NEK11: variants seen among roughly 807,000 people sequenced by gnomAD.
NEK11 encodes the protein NIMA related kinase 11, also known as serine/threonine-protein kinase Nek11.
NEK11 carries 72 observed loss-of-function variants against 80.7 expected under a neutral mutation model. The observed-to-expected ratio is 0.89, with a 90% CI of 0.74 to 1.08. The LOEUF (loss-of-function observed/expected upper bound fraction) is 1.08. Among genes scored for constraint, NEK11 ranks in the 50% least tolerant of loss-of-function variants. The pLI is 0.00. For synonymous variants in NEK11, 251 were observed against 260.7 expected (o/e 0.96, Z 0.36); for missense variants, 764 against 763.6 (o/e 1.00, Z -0.01).
In NEK11 at chr3:131,228,691, A is replaced by C. The variant is rs188769041; in HGVS notation, c.1560+3A>C. The C allele has an allele frequency of 6.2e-7, 1 of 1,611,878 alleles. No individual in the cohort carries two copies. The highest frequency in any genetic ancestry group is 2.2e-5 in the East Asian group (1 of 44,832). Reference sequence around the variant, plus strand: ...CTGCTTACAGAACAAACCAACAGGTATGTAATGCTCCCTGTCGGAAGCCAT... The same window carrying C: ...CTGCTTACAGAACAAACCAACAGGTCTGTAATGCTCCCTGTCGGAAGCCAT... On this transcript the variant is annotated splice_donor_region_variant and intron_variant, in intron 15 of 17. Coordinates refer to ENST00000383366, the MANE Select transcript of NEK11 (RefSeq NM_024800.5).
In NEK11 at chr3:131,060,168, C is replaced by T. The variant is rs78588284; in HGVS notation, c.171-20255C>T. On this transcript the variant is annotated intron_variant, in intron 3 of 17. Transcript: ENST00000383366. ...AGTTAAAGTGTCCCCTGTTAAAAGA[C>T]AGATGTATGACATAGTTCAGTAGCA... 7.9e-5 allele frequency among the ~76,000 whole-genome samples: 12 copies of T among 152,254 alleles called. No individual in the cohort carries two copies. The East Asian group carries it at 2.3e-3, about 29-fold the overall frequency.
At position 131,132,813 on chromosome 3, in the gene NEK11, A is replaced by G. The variant is rs746852834; in HGVS notation, c.520+4A>G. The G allele has an allele frequency of 1.5e-6, 2 of 1,361,258 alleles. No individual in the cohort carries two copies. The highest frequency in any genetic ancestry group is 2.1e-5 in the Admixed American group (1 of 46,684). 84.3% of individuals were successfully genotyped at this position (1,361,258 alleles called of 1,614,324 possible). A position where few individuals can be genotyped will look rare whatever the true frequency, so the allele number is the denominator to read the frequency against. On this transcript the variant is annotated splice_donor_region_variant and intron_variant, in intron 6 of 17. Coordinates refer to ENST00000383366, the MANE Select transcript of NEK11 (RefSeq NM_024800.5). ...AAAAATAATCTCCTTAAAATTGGTA[A>G]GATTTTAAAAAGTATGAATTCCAAA... is the stretch of plus-strand genomic sequence containing the variant.
chr3:131,296,600 T>C (rs1297086440), intron 17 of NEK11, among the ~76,000 whole-genome samples: 1 of 152,186 alleles, frequency 6.6e-6, no homozygotes, highest in Non-Finnish European at 1.5e-5. Flanking sequence ...GGTGGGATTT[T>C]CTTTTATAAC....
chr3:131,250,252 AAAG>A (rs1198220812), intron 16 of NEK11, among the ~76,000 whole-genome samples: 4 of 152,020 alleles, frequency 2.6e-5, no homozygotes, highest in African/African-American at 9.7e-5. Flanking sequence ...TTCCAGGAAA[AAAG>A]AACAGAAAAT....
intron 17 of NEK11, among the ~76,000 whole-genome samples, chr3:131,298,253 G>A (rs1464587298): frequency 6.6e-6 from 1 of 151,920 alleles, no homozygotes; most frequent in East Asian, 1.9e-4. Flanking sequence ...AATTACCTTG[G>A]GCAGTATGGC....
chr3:131,332,600 G>A (rs1485252044), intron 17 of NEK11, among the ~76,000 whole-genome samples: 3 of 152,220 alleles, frequency 2.0e-5, no homozygotes, highest in Non-Finnish European at 4.4e-5. Context: ...ACCAGCAACG[G>A]AACAAAGCTG....
intron 17 of NEK11, among the ~76,000 whole-genome samples, chr3:131,323,550 T>TA (rs2096920570): frequency 6.6e-6 from 1 of 152,220 alleles, no homozygotes; most frequent in Non-Finnish European, 1.5e-5. Flanking sequence ...GCCAGTGTTC[T>TA]ATAATAAACC....
chr3:131,337,219 T>C (rs1235559922), intron 17 of NEK11, among the ~76,000 whole-genome samples: 1 of 151,144 alleles, frequency 6.6e-6, no homozygotes, highest in African/African-American at 2.4e-5. Context: ...CCCACTCAAA[T>C]GTCCAACAAT....
chr3:131,217,803 C>T (rs1165290863), intron 14 of NEK11, among the ~76,000 whole-genome samples: 3 of 152,198 alleles, frequency 2.0e-5, no homozygotes, highest in Non-Finnish European at 4.4e-5. Flanking sequence ...AAAAAATTCT[C>T]ACAACAACAA....
At chr3:131,084,407 CT>C (rs1362853876) in intron 4 of NEK11, among the ~76,000 whole-genome samples, 3 of 152,190 alleles carry the variant, frequency 2.0e-5, no homozygotes, top group Non-Finnish European at 4.4e-5. Context: ...ATATTGAATC[CT>C]TCTACCTGTT....
At chr3:131,027,119 C>G (rs1003024680) in intron 1 of NEK11, 113 bp downstream of exon 1, 1 of 152,304 alleles carries the variant, frequency 6.6e-6, no homozygotes, top group African/African-American at 2.4e-5. Flanking sequence ...TGGCTGCGAT[C>G]TCCTCGCTTT....
intron 17 of NEK11, among the ~76,000 whole-genome samples, chr3:131,293,860 C>T (rs905732503): frequency 1.3e-5 from 2 of 152,010 alleles, no homozygotes; most frequent in Non-Finnish European, 2.9e-5. Flanking sequence ...AATTTGTGGA[C>T]ATAGAGTCCC....
chr3:131,337,586 G>A (rs926986431), intron 17 of NEK11, among the ~76,000 whole-genome samples: 1 of 151,518 alleles, frequency 6.6e-6, no homozygotes, highest in African/African-American at 2.4e-5. Flanking sequence ...TGCACATTGT[G>A]CACATGTACC....
chr3:131,211,974 C>T (rs543570584), intron 14 of NEK11, among the ~76,000 whole-genome samples: 54 of 152,320 alleles, frequency 3.5e-4, no homozygotes, highest in Non-Finnish European at 7.3e-4. Context: ...GTCAATTCGT[C>T]AAAGTCATTC....
intron 12 of NEK11, among the ~76,000 whole-genome samples, chr3:131,166,367 A>G (rs1482384023): frequency 6.6e-6 from 1 of 152,220 alleles, no homozygotes; most frequent in Non-Finnish European, 1.5e-5. Context: ...ATTCTGTTGT[A>G]GCTTAGTTAT....
chr3:131,109,846 GA>G lies in NEK11; in HGVS notation c.385del (p.Ile129SerfsTer7). The G allele has an allele frequency of 6.2e-7, 1 of 1,606,074 alleles. No individual in the cohort carries two copies. The highest frequency in any genetic ancestry group is 8.5e-7 in the Non-Finnish European group (1 of 1,177,224). On this transcript the variant is annotated frameshift_variant, in exon 5 of 18. Transcript: ENST00000383366. LOFTEE classifies it high-confidence loss of function. Reference protein sequence around the residue: ...DDKIQEYKQAGKIFPENQIIE... With the variant: ...DDKIQEYKQAXKIFPENQIIE... ...AAAATTCAGGAATATAAACAAGCTG[GA>G]AAAATCTTTCCAGAAAATCAAATAA...
chr3:131,257,271 C>T, intron 16 of NEK11, among the ~76,000 whole-genome samples: 1 of 151,814 alleles, frequency 6.6e-6, no homozygotes, highest in East Asian at 1.9e-4. Flanking sequence ...GCTGGGATTA[C>T]AGATGTGAAC....
intron 3 of NEK11, among the ~76,000 whole-genome samples, chr3:131,062,349 G>A (rs931516572): frequency 1.3e-5 from 2 of 152,182 alleles, no homozygotes; most frequent in African/African-American, 4.8e-5. Context: ...CAGGTTAAAG[G>A]CTAAAAATGC....
chr3:131,220,115 G>GTTTGT (rs773281972), intron 14 of NEK11, among the ~76,000 whole-genome samples: 24 of 152,064 alleles, frequency 1.6e-4, no homozygotes, highest in Non-Finnish European at 2.2e-4. Flanking sequence ...TTGGTTTTTT[G>GTTTGT]TTTGTTTTGT....
Sources: gnomAD v4.1 joint callset for allele counts (sites outside exome capture counted in the v4.1 genomes callset) on GRCh38, gnomAD v4.1.1 for gene constraint, MANE v1.5 for transcripts, NCBI Gene and HGNC (gene_info 2026-07-23, HGNC 2026-07-21) for gene names.